The following PFDN4 variants were observed in gnomAD, a reference collection of about 807,000 sequenced individuals.
The protein encoded by PFDN4 is prefoldin 4.
Under a neutral mutation model 17.6 loss-of-function variants are expected in PFDN4, and 6 were observed. The ratio of observed to expected loss-of-function variants is 0.34; its 90% CI spans 0.19 to 0.67. The LOEUF (loss-of-function observed/expected upper bound fraction) is 0.67, where lower values mean the gene tolerates loss of function less well. Among genes scored for constraint, PFDN4 ranks in the 30% least tolerant of loss-of-function variants. PFDN4 has a pLI of 0.68. For missense variants in PFDN4, 119 were observed against 158.4 expected, an observed-to-expected ratio of 0.75 and a Z score of 1.33; for synonymous variants, 48 against 51.1, an observed-to-expected ratio of 0.94 and a Z score of 0.26.
chr20:54,208,219 A>AG (rs1336480311), intron 1 of PFDN4, 95 bp downstream of exon 1: 1 of 1,190,196 alleles, frequency 8.4e-7, no homozygotes, highest in East Asian at 3.1e-5. Context: ...GCAGCTCCGA[A>AG]GCCCGGCGTG....
chr20:54,218,832 G>A lies in PFDN4; in HGVS notation c.274-187G>A, dbSNP rs550361211. Among the ~76,000 whole-genome samples the A allele has an allele frequency of 2.0e-5, 3 of 152,258 alleles. No homozygotes were observed. In the South Asian group the frequency reaches 6.2e-4, roughly 32 times the overall value. On this transcript the variant is annotated intron_variant, in intron 3 of 3. Coordinates refer to ENST00000371419, the MANE Select transcript of PFDN4 (RefSeq NM_002623.4). ...ACAAACTTGATTTATTCTGTGATAA[G>A]CAGATATGGACCATGAATTAAAAAT...
chr20:54,219,158 A>G lies in PFDN4; in HGVS notation c.*8A>G. 2.1e-6 allele frequency: 3 copies of G among 1,440,194 alleles called. No homozygotes were observed. The highest frequency in any genetic ancestry group is 1.9e-6 in the Non-Finnish European group (2 of 1,075,774). The allele number at this position is 1,440,194 out of a possible 1,614,324, so 89.2% of individuals were successfully genotyped here. On this transcript the variant is annotated 3_prime_UTR_variant, in exon 4 of 4. Transcript: ENST00000371419. Reference sequence around the variant, plus strand: ...GAAGCTGATGAAAGTTAAACATTTTATAATACTTTTTTTATTTGTTTAATA... The same window carrying G: ...GAAGCTGATGAAAGTTAAACATTTTGTAATACTTTTTTTATTTGTTTAATA...
At position 54,214,434 on chromosome 20, in the gene PFDN4, G is replaced by A; in HGVS notation, c.108G>A (p.Leu36=). ...GGAATACAAGTAGAATCACAGAGCT[G>A]AAGGAAGAAATAGAAGTAAAAAAGG... The part of the protein sequence containing the change: ...FARNTSRITE[L]KEEIEVKKKQ... Residue 36 remains leucine, a synonymous_variant, in exon 2 of 4, where the codon CTG becomes CTA. Transcript: ENST00000371419. 2.6e-6 allele frequency: 4 copies of A among 1,559,992 alleles called. No individual in the cohort carries two copies. The highest frequency in any genetic ancestry group is 3.5e-6 in the Non-Finnish European group (4 of 1,140,988).
At chr20:54,214,935 G>A (rs1176668446) in intron 2 of PFDN4, among the ~76,000 whole-genome samples, 1 of 152,212 alleles carries the variant, frequency 6.6e-6, no homozygotes, top group African/African-American at 2.4e-5. Context: ...TTACCCGCAT[G>A]ATTTACTTAC....
chr20:54,214,511 A>C (rs2092760041), intron 2 of PFDN4, 53 bp downstream of exon 2: 5 of 764,462 alleles, frequency 6.5e-6, no homozygotes, highest in Non-Finnish European at 8.7e-6. Flanking sequence ...ATAGCTACTA[A>C]AACTGAACTC....
At position 54,219,696 on chromosome 20, in the gene PFDN4, G is replaced by C; in HGVS notation, c.*546G>C. Reference sequence around the variant, plus strand: ...ACATATCTATCAATATCAGAGATTTGGGTAAAAGAATGGGTAATGTTTAAA... The same window carrying C: ...ACATATCTATCAATATCAGAGATTTCGGTAAAAGAATGGGTAATGTTTAAA... On this transcript the variant is annotated 3_prime_UTR_variant, in exon 4 of 4. Coordinates refer to ENST00000371419, the MANE Select transcript of PFDN4 (RefSeq NM_002623.4). 1 of 397,990 alleles carries C rather than the reference G, an allele frequency of 2.5e-6. No homozygotes were observed. Among genetic ancestry groups the C allele is most frequent in the Non-Finnish European group, 4.4e-6 (1 of 225,878 alleles). 24.7% of individuals were successfully genotyped at this position (397,990 alleles called of 1,614,324 possible).
chr20:54,212,117 CG>C (rs2092756677), intron 1 of PFDN4, among the ~76,000 whole-genome samples: 1 of 151,452 alleles, frequency 6.6e-6, no homozygotes, highest in South Asian at 2.1e-4. Flanking sequence ...GGCTTGAACC[CG>C]GGAAGTGGAG....
intron 1 of PFDN4, among the ~76,000 whole-genome samples, chr20:54,210,569 G>A (rs1185697012): frequency 6.6e-6 from 1 of 152,174 alleles, no homozygotes. Context: ...CCTCTCTAGA[G>A]TTCTGCCTTC....
intron 3 of PFDN4, 89 bp downstream of exon 3, chr20:54,215,529 A>C: frequency 1.2e-6 from 1 of 806,694 alleles, no homozygotes; most frequent in Non-Finnish European, 1.9e-6. Context: ...GATGCTAGCT[A>C]TAGCTAATAT....
intron 3 of PFDN4, among the ~76,000 whole-genome samples, chr20:54,218,260 G>C (rs1281370765): frequency 1.3e-5 from 2 of 150,592 alleles, no homozygotes; most frequent in Non-Finnish European, 3.0e-5. Context: ...TTACAAAACT[G>C]GTTTTAGAAT....
rs928113622 is a variant in PFDN4, at chr20:54,209,342, C to T, written c.24+1218C>T. 6.6e-5 allele frequency among the ~76,000 whole-genome samples: 10 copies of T among 152,278 alleles called. 1 individual carries two copies. The highest frequency in any genetic ancestry group is 7.4e-5 in the Non-Finnish European group (5 of 68,024). The stretch of plus-strand genomic sequence containing the variant: ...ACCACATTAGAACTTCTTTGCTTTG[C>T]CCCTATCCAGTACCACATAGTCTAT... On this transcript the variant is annotated intron_variant, in intron 1 of 3. Coordinates refer to ENST00000371419, the MANE Select transcript of PFDN4 (RefSeq NM_002623.4).
At chr20:54,215,722 A>G (rs1183385840) in intron 3 of PFDN4, among the ~76,000 whole-genome samples, 1 of 152,260 alleles carries the variant, frequency 6.6e-6, no homozygotes, top group East Asian at 1.9e-4. Context: ...GCTCAAAACT[A>G]AAAGTATTTA....
intron 3 of PFDN4, 90 bp downstream of exon 3, chr20:54,215,530 T>C: frequency 1.3e-6 from 1 of 796,918 alleles, no homozygotes; most frequent in Middle Eastern, 3.9e-4. Context: ...ATGCTAGCTA[T>C]AGCTAATATT....
Position 54,219,037 on chromosome 20 carries a change from A to G in PFDN4, c.292A>G (p.Ile98Val). 1 of 1,550,706 alleles carries G rather than the reference A, an allele frequency of 6.4e-7. No homozygotes were observed. Among genetic ancestry groups the G allele is most frequent in the Non-Finnish European group, 8.7e-7 (1 of 1,146,694 alleles). ...EEAKKNLQEE[I>V]DALESRVESI... Reference sequence around the variant, plus strand: ...TTTCCAGAAAAATTTGCAAGAAGAAATTGACGCCTTAGAATCCAGAGTGGA... The same window carrying G: ...TTTCCAGAAAAATTTGCAAGAAGAAGTTGACGCCTTAGAATCCAGAGTGGA... The change falls in exon 4 of 4, where the codon ATT becomes GTT. Residue 98 changes from isoleucine (I) to valine (V), a missense_variant. Physicochemically the swap from Ile to Val is conservative, Grantham distance 29. Coordinates refer to ENST00000371419, the MANE Select transcript of PFDN4 (RefSeq NM_002623.4).
rs746925314 is a variant in PFDN4, at chr20:54,208,137, C to G, written c.24+13C>G. ...CATGAAGAAGGCGGTGAGTGGGGAG[C>G]TCGGGGCTCTGGATGCTCGGGCGGC... On this transcript the variant is annotated intron_variant, in intron 1 of 3. Transcript: ENST00000371419. 1.9e-6 allele frequency: 3 copies of G among 1,549,248 alleles called. No individual in the cohort carries two copies. Among genetic ancestry groups the G allele is most frequent in the South Asian group, 1.2e-5 (1 of 84,286 alleles).
intron 3 of PFDN4, among the ~76,000 whole-genome samples, chr20:54,216,592 C>A (rs956081099): frequency 6.6e-6 from 1 of 152,078 alleles, no homozygotes; most frequent in Non-Finnish European, 1.5e-5. Flanking sequence ...GTTTTTGTGG[C>A]TATTGTGAAT....
At chr20:54,213,460 G>A (rs1601175162) in intron 1 of PFDN4, among the ~76,000 whole-genome samples, 1 of 152,098 alleles carries the variant, frequency 6.6e-6, no homozygotes. Flanking sequence ...TTCAGTTACC[G>A]AGAACTCATG....
intron 3 of PFDN4, among the ~76,000 whole-genome samples, chr20:54,217,330 G>A (rs563129059): frequency 2.0e-5 from 3 of 152,106 alleles, no homozygotes; most frequent in Non-Finnish European, 2.9e-5. Flanking sequence ...ATGTGTGAAC[G>A]GCCATAGGAT....
intron 3 of PFDN4, among the ~76,000 whole-genome samples, chr20:54,216,053 G>A (rs751498323): frequency 3.3e-5 from 5 of 152,186 alleles, no homozygotes; most frequent in Non-Finnish European, 5.9e-5. Context: ...CTTATTGTTA[G>A]CATTAATTTG....
Sources: allele counts gnomAD v4.1 joint callset (sites outside exome capture counted in the v4.1 genomes callset), GRCh38; gene constraint gnomAD v4.1.1; transcripts MANE v1.5; gene names NCBI Gene and HGNC (gene_info 2026-07-23, HGNC 2026-07-21).